Variants in ADGRV1 observed in about 807,000 individuals in gnomAD.
The protein encoded by ADGRV1 is G-protein coupled receptor 98.
ADGRV1 carries 359 observed loss-of-function variants against 596.2 expected under a neutral mutation model. That is an observed-to-expected ratio of 0.60 (90% CI 0.55 to 0.66). ADGRV1 has a LOEUF of 0.66. Among genes scored for constraint, ADGRV1 ranks in the 30% least tolerant of loss-of-function variants. The probability of loss-of-function intolerance (pLI) is 0.00; values close to 1 mark genes in which losing one functional copy is unlikely to be tolerated. For missense variants in ADGRV1, 7,274 were observed against 7,575.6 expected, an observed-to-expected ratio of 0.96 and a Z score of 1.48; for synonymous variants, 2,681 against 2,679.2, an observed-to-expected ratio of 1.00 and a Z score of -0.02.
chr5:90,978,268 C>G (rs1779790833), intron 84 of ADGRV1, among the ~76,000 whole-genome samples: 1 of 151,522 alleles, frequency 6.6e-6, no homozygotes, highest in Non-Finnish European at 1.5e-5. Flanking sequence ...ACACTCCAGA[C>G]TGGGGGACAG....
At chr5:91,156,763 A>C (rs1796513123) in intron 89 of ADGRV1, among the ~76,000 whole-genome samples, 1 of 152,192 alleles carries the variant, frequency 6.6e-6, no homozygotes, top group South Asian at 2.1e-4. Flanking sequence ...GTAATGTAGT[A>C]ATCATGTATC....
chr5:90,664,459 A>C (rs1770943946), intron 21 of ADGRV1, among the ~76,000 whole-genome samples: 1 of 151,160 alleles, frequency 6.6e-6, no homozygotes, highest in African/African-American at 2.4e-5. Flanking sequence ...TTGTACATTG[A>C]TTTTGTATCC....
chr5:91,055,777 A>G (rs1163682744), intron 85 of ADGRV1, among the ~76,000 whole-genome samples: 1 of 152,242 alleles, frequency 6.6e-6, no homozygotes, highest in African/African-American at 2.4e-5. Context: ...GTTCTATGTG[A>G]CAACAGGCAA....
At chr5:90,968,726 C>G (rs1026289697) in intron 84 of ADGRV1, among the ~76,000 whole-genome samples, 1 of 151,920 alleles carries the variant, frequency 6.6e-6, no homozygotes, top group Admixed American at 6.6e-5. Flanking sequence ...TTTCTAAAAT[C>G]CGTTTTAAAA....
chr5:90,856,058 T>G (rs1053930277), intron 82 of ADGRV1, among the ~76,000 whole-genome samples, 157 bp downstream of exon 82: 2 of 152,194 alleles, frequency 1.3e-5, no homozygotes, highest in Non-Finnish European at 2.9e-5. Flanking sequence ...ATTAATTCAT[T>G]CAACAAATAT....
chr5:90,763,051 C>T, intron 58 of ADGRV1: 1 of 364,396 alleles, frequency 2.7e-6, no homozygotes, highest in Non-Finnish European at 5.0e-6. Flanking sequence ...TCATTTCTGC[C>T]TCTATTCTCT....
chr5:90,613,615 A>G (rs1159540405), intron 1 of ADGRV1, among the ~76,000 whole-genome samples: 3 of 152,078 alleles, frequency 2.0e-5, no homozygotes, highest in Non-Finnish European at 4.4e-5. Flanking sequence ...ATCCTTCAGC[A>G]TCTCTGTCCC....
chr5:90,770,192 A>C (rs1307925058), intron 59 of ADGRV1, among the ~76,000 whole-genome samples: 1 of 152,224 alleles, frequency 6.6e-6, no homozygotes, highest in Non-Finnish European at 1.5e-5. Flanking sequence ...GAGCAAAGGC[A>C]TGTCTTACAT....
intron 2 of ADGRV1, among the ~76,000 whole-genome samples, chr5:90,616,533 A>C (rs1379650410): frequency 1.3e-5 from 2 of 152,122 alleles, no homozygotes; most frequent in Non-Finnish European, 2.9e-5. Flanking sequence ...TTCCTGACAC[A>C]GTTTTTGGCA....
chr5:90,621,279 A>G (rs1223311839), intron 4 of ADGRV1, among the ~76,000 whole-genome samples: 4 of 152,158 alleles, frequency 2.6e-5, no homozygotes, highest in Non-Finnish European at 4.4e-5. Context: ...GTTGTATTGT[A>G]TGTCATTTTC....
At chr5:91,011,676 A>G (rs1255364166) in intron 85 of ADGRV1, among the ~76,000 whole-genome samples, 1 of 151,990 alleles carries the variant, frequency 6.6e-6, no homozygotes, top group African/African-American at 2.4e-5. Context: ...TATCATCATT[A>G]TCAAGTTATA....
At chr5:90,990,117 C>T (rs1458856713) in intron 85 of ADGRV1, among the ~76,000 whole-genome samples, 4 of 152,208 alleles carry the variant, frequency 2.6e-5, no homozygotes, top group Admixed American at 2.6e-4. Context: ...TGCGCCCAGC[C>T]ATGATCTCTT....
At position 91,027,987 on chromosome 5, in the gene ADGRV1, G is replaced by A. The variant is rs191628643; in HGVS notation, c.18152+42465G>A. Among the ~76,000 whole-genome samples, 6 of 151,076 alleles carry A rather than the reference G, an allele frequency of 4.0e-5. No homozygotes were observed. The East Asian group carries it at 9.8e-4, about 25-fold the overall frequency. The stretch of plus-strand genomic sequence containing the variant: ...CTTAAATAGCAGGCTTTGTATGCTG[G>A]AAGACACAAGTGACCCACTCACTAC... On this transcript the variant is annotated intron_variant, in intron 85 of 89. Transcript: ENST00000405460.
At chr5:90,801,432 A>G (rs1184526073) in intron 70 of ADGRV1, among the ~76,000 whole-genome samples, 3 of 152,158 alleles carry the variant, frequency 2.0e-5, no homozygotes, top group Non-Finnish European at 2.9e-5. Flanking sequence ...AGATAAAGAA[A>G]AATCATTAGC....
At chr5:91,005,932 G>A (rs1581768337) in intron 85 of ADGRV1, among the ~76,000 whole-genome samples, 1 of 151,988 alleles carries the variant, frequency 6.6e-6, no homozygotes, top group Middle Eastern at 3.4e-3. Flanking sequence ...TAAATCCCTG[G>A]GGAAAAAAAA....
chr5:90,773,511 T>A (rs531219406), intron 59 of ADGRV1, among the ~76,000 whole-genome samples: 2 of 152,030 alleles, frequency 1.3e-5, no homozygotes, highest in Non-Finnish European at 2.9e-5. Flanking sequence ...GAAAGAAGTA[T>A]AAAATACCTA....
rs151228067 is a variant in ADGRV1, at chr5:90,609,981, T to A, written c.23-4854T>A. ...TGCAAAATTAATTGAATTATGACTT[T>A]CTTTCATTGTCTTCTATTGGGTCCT... On this transcript the variant is annotated intron_variant, in intron 1 of 89. Coordinates refer to ENST00000405460, the MANE Select transcript of ADGRV1 (RefSeq NM_032119.4). Among the ~76,000 whole-genome samples the A allele has an allele frequency of 3.0e-3, 459 of 152,168 alleles. 2 individuals are homozygous for A. The highest frequency in any genetic ancestry group is 0.01 in the African/African-American group (416 of 41,562).
At chr5:90,962,498 G>A (rs137915706) in intron 83 of ADGRV1, among the ~76,000 whole-genome samples, 3 of 152,272 alleles carry the variant, frequency 2.0e-5, no homozygotes, top group Admixed American at 1.3e-4. Flanking sequence ...CTATTTTTAG[G>A]TTATGTAGCC....
At chr5:90,963,760 A>T (rs1029404666) in intron 83 of ADGRV1, among the ~76,000 whole-genome samples, 2 of 149,886 alleles carry the variant, frequency 1.3e-5, no homozygotes, top group Non-Finnish European at 3.0e-5. Context: ...CACTGTCTGT[A>T]GCTTGAAAAA....
Sources: gnomAD v4.1 joint callset for allele counts (sites outside exome capture counted in the v4.1 genomes callset) on GRCh38, gnomAD v4.1.1 for gene constraint, MANE v1.5 for transcripts, NCBI Gene and HGNC (gene_info 2026-07-23, HGNC 2026-07-21) for gene names.